SPIDR: variants seen among roughly 807,000 people sequenced by gnomAD.
The protein encoded by SPIDR is DNA repair-scaffolding protein.
Under a neutral mutation model 104.6 loss-of-function variants are expected in SPIDR, and 93 were observed. That is an observed-to-expected ratio of 0.89 (90% CI 0.75 to 1.06). The LOEUF (loss-of-function observed/expected upper bound fraction) is 1.06. Among genes scored for constraint, SPIDR ranks in the 50% least tolerant of loss-of-function variants. SPIDR has a pLI of 0.00. For missense variants in SPIDR, 1,154 were observed against 1,111.2 expected, an observed-to-expected ratio of 1.04 and a Z score of -0.55; for synonymous variants, 431 against 416.9, an observed-to-expected ratio of 1.03 and a Z score of -0.41.
intron 5 of SPIDR, among the ~76,000 whole-genome samples, chr8:47,332,031 G>T (rs1587128910): frequency 1.4e-5 from 1 of 71,476 alleles, no homozygotes; most frequent in African/African-American, 5.8e-5. Flanking sequence ...TAAGTTTTAG[G>T]GTACATGTGC....
chr8:47,504,662 G>A (rs1468591368), intron 8 of SPIDR, among the ~76,000 whole-genome samples: 1 of 152,190 alleles, frequency 6.6e-6, no homozygotes, highest in Non-Finnish European at 1.5e-5. Context: ...GTCCAGCTTT[G>A]TTCCATTGCT....
intron 10 of SPIDR, among the ~76,000 whole-genome samples, chr8:47,654,745 C>CT (rs762273758): frequency 6.6e-5 from 10 of 151,970 alleles, no homozygotes; most frequent in Non-Finnish European, 1.0e-4. Flanking sequence ...TTTATATATA[C>CT]TTTAAGTTTT....
intron 8 of SPIDR, among the ~76,000 whole-genome samples, chr8:47,468,128 C>T (rs1240225757): frequency 6.6e-6 from 1 of 152,026 alleles, no homozygotes; most frequent in East Asian, 1.9e-4. Context: ...GAATAAAATA[C>T]CTAGTAATAG....
At chr8:47,588,448 A>T (rs1191482338) in intron 8 of SPIDR, among the ~76,000 whole-genome samples, 2 of 151,958 alleles carry the variant, frequency 1.3e-5, no homozygotes, top group East Asian at 3.9e-4. Flanking sequence ...AACCTTGCTT[A>T]ATAGTTCTAG....
chr8:47,303,222 G>A (rs924835738), intron 5 of SPIDR, among the ~76,000 whole-genome samples: 142 of 152,318 alleles, frequency 9.3e-4, no homozygotes, highest in African/African-American at 3.3e-3. Flanking sequence ...GCGAGGCTCC[G>A]TGGGCGTAGG....
intron 8 of SPIDR, among the ~76,000 whole-genome samples, chr8:47,501,707 T>A (rs2080470198): frequency 6.6e-6 from 1 of 152,198 alleles, no homozygotes; most frequent in African/African-American, 2.4e-5. Flanking sequence ...AGAGAGGGCA[T>A]CCCTGTCTTG....
intron 11 of SPIDR, among the ~76,000 whole-genome samples, chr8:47,681,367 G>A (rs373625183): frequency 2.0e-5 from 3 of 151,892 alleles, no homozygotes; most frequent in Admixed American, 6.6e-5. Context: ...CTAAGCATCC[G>A]GATTGCGATT....
At position 47,478,617 on chromosome 8, in the gene SPIDR, A is replaced by G. The variant is rs138787229; in HGVS notation, c.1097+38075A>G. Among the ~76,000 whole-genome samples the G allele has an allele frequency of 1.9e-3, 284 of 152,332 alleles. 2 individuals are homozygous for G. Among genetic ancestry groups the G allele is most frequent in the Non-Finnish European group, 3.5e-3 (236 of 68,026 alleles). On this transcript the variant is annotated intron_variant, in intron 8 of 19. Coordinates refer to ENST00000297423, the MANE Select transcript of SPIDR (RefSeq NM_001080394.4). ...ATCCTAGCAAGGACAGTTTGGGTTCATATGAACACACAGTCACTGTGGTTT... is the reference window on the plus strand; with the variant it reads ...ATCCTAGCAAGGACAGTTTGGGTTCGTATGAACACACAGTCACTGTGGTTT...
chr8:47,402,569 A>T (rs1393751513), intron 6 of SPIDR, among the ~76,000 whole-genome samples: 3 of 152,228 alleles, frequency 2.0e-5, no homozygotes, highest in African/African-American at 7.2e-5. Context: ...AGAATGCTAT[A>T]AACACCTCTA....
intron 19 of SPIDR, among the ~76,000 whole-genome samples, chr8:47,734,218 A>C (rs2154495220): frequency 6.6e-6 from 1 of 152,212 alleles, no homozygotes; most frequent in East Asian, 1.9e-4. Context: ...GGACCCCCTC[A>C]CAGCATGTGT....
intron 7 of SPIDR, among the ~76,000 whole-genome samples, chr8:47,421,800 C>T (rs1018468232): frequency 3.3e-5 from 5 of 152,080 alleles, no homozygotes; most frequent in Admixed American, 6.5e-5. Context: ...TGTGGATTTC[C>T]TTTTCTGTTT....
intron 5 of SPIDR, among the ~76,000 whole-genome samples, chr8:47,314,242 CTG>C (rs2044815502): frequency 6.6e-6 from 1 of 151,078 alleles, no homozygotes; most frequent in African/African-American, 2.4e-5. Context: ...AGAACAAACA[CTG>C]GAAAAGAAAA....
At chr8:47,512,255 A>G (rs1305055124) in intron 8 of SPIDR, 1 of 298,098 alleles carries the variant, frequency 3.4e-6, no homozygotes, top group Non-Finnish European at 6.4e-6. Context: ...TGGGTTGTTG[A>G]GGATGGTTTA....
chr8:47,280,663 A>T (rs1315844664), intron 2 of SPIDR, among the ~76,000 whole-genome samples: 1 of 151,976 alleles, frequency 6.6e-6, no homozygotes, highest in Non-Finnish European at 1.5e-5. Context: ...AAGTGCTGGG[A>T]TTACAGGCGT....
intron 5 of SPIDR, among the ~76,000 whole-genome samples, chr8:47,328,232 T>C (rs1554601703): frequency 6.6e-6 from 1 of 151,962 alleles, no homozygotes; most frequent in East Asian, 1.9e-4. Context: ...TTAATTTTTG[T>C]GTATGGTGTG....
intron 8 of SPIDR, among the ~76,000 whole-genome samples, chr8:47,535,499 A>G (rs890378659): frequency 6.6e-6 from 1 of 152,194 alleles, no homozygotes; most frequent in African/African-American, 2.4e-5. Context: ...GTAGATACAT[A>G]AATAGTTAAC....
At chr8:47,342,166 A>G (rs1268862448) in intron 5 of SPIDR, among the ~76,000 whole-genome samples, 1 of 151,974 alleles carries the variant, frequency 6.6e-6, no homozygotes, top group Admixed American at 6.6e-5. Context: ...TTATCGTCAT[A>G]TGGAATTGTC....
chr8:47,542,977 A>G (rs763403092), intron 8 of SPIDR, among the ~76,000 whole-genome samples: 3 of 152,172 alleles, frequency 2.0e-5, no homozygotes, highest in African/African-American at 7.2e-5. Flanking sequence ...TTCACTTGGG[A>G]TAATTTTCTG....
At chr8:47,444,372 AT>A (rs1398736387) in intron 8 of SPIDR, among the ~76,000 whole-genome samples, 1 of 152,214 alleles carries the variant, frequency 6.6e-6, no homozygotes, top group East Asian at 1.9e-4. Context: ...GACACCTCTC[AT>A]TCATTCAGAA....
Sources: allele counts gnomAD v4.1 joint callset (sites outside exome capture counted in the v4.1 genomes callset), GRCh38; gene constraint gnomAD v4.1.1; transcripts MANE v1.5; gene names NCBI Gene and HGNC (gene_info 2026-07-23, HGNC 2026-07-21).